RFX4: variants seen among roughly 807,000 people sequenced by gnomAD.
The protein encoded by RFX4 is transcription factor RFX4.
In RFX4, 10 loss-of-function variants were observed where a neutral mutation model predicts 95.0. The ratio of observed to expected loss-of-function variants is 0.11; its 90% CI spans 0.06 to 0.18. The LOEUF (loss-of-function observed/expected upper bound fraction) is 0.18. Ranked by LOEUF, RFX4 falls within the 10% of genes least tolerant of loss-of-function variation. RFX4 has a pLI of 1.00. For missense variants in RFX4, 640 were observed against 922.0 expected, an observed-to-expected ratio of 0.69 and a Z score of 3.96; for synonymous variants, 321 against 340.7, an observed-to-expected ratio of 0.94 and a Z score of 0.64.
intron 8 of RFX4, among the ~76,000 whole-genome samples, chr12:106,703,801 C>T (rs1359318471): frequency 6.6e-6 from 1 of 152,100 alleles, no homozygotes; most frequent in Non-Finnish European, 1.5e-5. Context: ...CATGGTGGCT[C>T]ATGCCTGTAA....
At chr12:106,753,627 C>A (rs1248046460) in intron 17 of RFX4, among the ~76,000 whole-genome samples, 1 of 152,180 alleles carries the variant, frequency 6.6e-6, no homozygotes, top group Non-Finnish European at 1.5e-5. Flanking sequence ...CTCTCCACAT[C>A]CCTTAGATAA....
intron 1 of RFX4, among the ~76,000 whole-genome samples, chr12:106,601,884 C>T (rs193252194): frequency 6.6e-6 from 1 of 152,354 alleles, no homozygotes; most frequent in African/African-American, 2.4e-5. Flanking sequence ...CTGAAATGCC[C>T]TGCTTCCCTC....
Position 106,685,073 on chromosome 12 carries a change from C to T in RFX4, c.378-1811C>T, listed in dbSNP as rs544334753. Among the ~76,000 whole-genome samples the T allele has an allele frequency of 8.6e-5, 13 of 150,776 alleles. No individual in the cohort carries two copies. The East Asian group carries it at 1.2e-3, about 14-fold the overall frequency. On this transcript the variant is annotated intron_variant, in intron 5 of 17. Coordinates refer to ENST00000392842, the MANE Select transcript of RFX4 (RefSeq NM_213594.3). ...AGAGAAAAGTAGTTAATATGTTGTG[C>T]GGTGTTTCTGAAAGCGAGGTCCACG...
intron 3 of RFX4, among the ~76,000 whole-genome samples, chr12:106,647,654 T>A (rs1482014179): frequency 6.6e-6 from 1 of 152,062 alleles, no homozygotes; most frequent in African/African-American, 2.4e-5. Context: ...TTAACATCAA[T>A]AGGAATTTGG....
chr12:106,686,861 C>G (rs775825147), intron 5 of RFX4, 23 bp from the exon 6 acceptor site: 9 of 678,622 alleles, frequency 1.3e-5, no homozygotes, highest in East Asian at 4.7e-5. Flanking sequence ...TTCTCTCTCT[C>G]CCTCCCTCCC....
intron 4 of RFX4, among the ~76,000 whole-genome samples, chr12:106,674,544 T>A (rs2041354575): frequency 6.6e-6 from 1 of 152,028 alleles, no homozygotes. Flanking sequence ...TTGTCCAGGC[T>A]GGTCTTGAAC....
chr12:106,740,762 T>C (rs1374791375), intron 15 of RFX4, among the ~76,000 whole-genome samples: 3 of 152,086 alleles, frequency 2.0e-5, no homozygotes, highest in Admixed American at 6.5e-5. Context: ...GTGAAAATAA[T>C]AGTGTGCTAT....
chr12:106,683,485 A>AAC lies in RFX4; in HGVS notation c.377+1432_377+1433insCA, dbSNP rs2041570062. The AAC allele has an allele frequency of 8.0e-5, 12 of 149,826 alleles. No homozygotes were observed. The South Asian group carries it at 2.5e-3, about 32-fold the overall frequency. 9.3% of individuals were successfully genotyped at this position (149,826 alleles called of 1,614,324 possible). On this transcript the variant is annotated intron_variant, in intron 5 of 17. Transcript: ENST00000392842. ...TATTCTGAAAAAAAAAAAAAAAAAA[A>AAC]AAAAAAAAAAACAAACCTCAGTTAT... is the stretch of plus-strand genomic sequence containing the variant.
chr12:106,603,577 CA>C (rs991671497), intron 1 of RFX4, among the ~76,000 whole-genome samples: 12 of 152,222 alleles, frequency 7.9e-5, no homozygotes, highest in Non-Finnish European at 1.3e-4. Context: ...CGGCTGTAGG[CA>C]AATCCCGTTG....
chr12:106,635,995 T>C (rs2040502854), intron 2 of RFX4, among the ~76,000 whole-genome samples: 10 of 152,200 alleles, frequency 6.6e-5, no homozygotes, highest in Admixed American at 6.5e-4. Context: ...GTGCTGTTCT[T>C]TAAGACTGGA....
At chr12:106,631,046 G>A (rs1048617414) in intron 2 of RFX4, among the ~76,000 whole-genome samples, 4 of 152,254 alleles carry the variant, frequency 2.6e-5, no homozygotes, top group African/African-American at 4.8e-5. Flanking sequence ...CTCTGTAAAC[G>A]GGGATAATAC....
chr12:106,712,453 TC>T (rs954309230), intron 10 of RFX4, among the ~76,000 whole-genome samples: 27 of 152,104 alleles, frequency 1.8e-4, no homozygotes, highest in African/African-American at 6.5e-4. Context: ...CCTGCCCCCT[TC>T]CTGTGTTTCT....
intron 1 of RFX4, among the ~76,000 whole-genome samples, chr12:106,589,632 C>T (rs1034289287): frequency 2.0e-5 from 3 of 152,194 alleles, no homozygotes; most frequent in African/African-American, 7.2e-5. Flanking sequence ...CTCATGCCCT[C>T]TCCCCACCCA....
intron 3 of RFX4, among the ~76,000 whole-genome samples, chr12:106,644,791 G>A (rs1203982390): frequency 6.6e-6 from 1 of 152,184 alleles, no homozygotes; most frequent in Non-Finnish European, 1.5e-5. Flanking sequence ...GGAACCTAAT[G>A]CTAGGACAAG....
At chr12:106,714,599 G>C (rs1200331510) in intron 10 of RFX4, among the ~76,000 whole-genome samples, 6 of 151,952 alleles carry the variant, frequency 3.9e-5, no homozygotes, top group Admixed American at 3.9e-4. Context: ...TAAAGGAAAT[G>C]ATCCTAGATA....
intron 5 of RFX4, chr12:106,683,887 G>C (rs182750463): frequency 6.6e-6 from 1 of 152,092 alleles, no homozygotes; most frequent in Non-Finnish European, 1.5e-5. Flanking sequence ...CTTTAACCTC[G>C]AGGTTGGCAA....
chr12:106,639,976 C>T (rs370368532), intron 3 of RFX4, among the ~76,000 whole-genome samples: 4 of 152,272 alleles, frequency 2.6e-5, no homozygotes, highest in African/African-American at 9.6e-5. Context: ...GAGATTCACC[C>T]TATGAAGAAT....
rs553733348 is a variant in RFX4, at chr12:106,623,807, A to G, written c.130+14924A>G. Among the ~76,000 whole-genome samples the G allele has an allele frequency of 2.0e-5, 3 of 152,340 alleles. No homozygotes were observed. In the East Asian group the frequency reaches 5.8e-4, roughly 29 times the overall value. On this transcript the variant is annotated intron_variant, in intron 2 of 17. Coordinates refer to ENST00000392842, the MANE Select transcript of RFX4 (RefSeq NM_213594.3). ...CTCAAAAAAACAAAAATCCAGCAGAATGCTTTGGATTGTAAGAGACAGAAA... is the reference window on the plus strand; with the variant it reads ...CTCAAAAAAACAAAAATCCAGCAGAGTGCTTTGGATTGTAAGAGACAGAAA...
chr12:106,640,093 A>T (rs1252559488), intron 3 of RFX4, among the ~76,000 whole-genome samples: 3 of 152,200 alleles, frequency 2.0e-5, no homozygotes, highest in Non-Finnish European at 2.9e-5. Context: ...AAGGAACTAA[A>T]ATCCATTATA....
Sources: gnomAD v4.1 joint callset for allele counts (sites outside exome capture counted in the v4.1 genomes callset) on GRCh38, gnomAD v4.1.1 for gene constraint, MANE v1.5 for transcripts, NCBI Gene and HGNC (gene_info 2026-07-23, HGNC 2026-07-21) for gene names.